The following GPC5 variants were observed in gnomAD, a reference collection of about 807,000 sequenced individuals.
The protein encoded by GPC5 is glypican-5.
Under a neutral mutation model 53.9 loss-of-function variants are expected in GPC5, and 47 were observed. The observed-to-expected ratio is 0.87, with a 90% CI of 0.69 to 1.11. GPC5 has a LOEUF of 1.11. Among genes scored for constraint, GPC5 ranks in the 50% most tolerant of loss-of-function variants. The pLI, the probability that GPC5 is intolerant of heterozygous loss-of-function variation, is 0.00. For missense variants in GPC5, 748 were observed against 713.1 expected (o/e 1.05, Z -0.56); for synonymous variants, 286 against 263.3 (o/e 1.09, Z -0.84).
intron 7 of GPC5, among the ~76,000 whole-genome samples, chr13:92,606,148 T>A (rs931172086): frequency 6.6e-6 from 1 of 152,138 alleles, no homozygotes; most frequent in African/African-American, 2.4e-5. Flanking sequence ...GCAGGTTTGT[T>A]ACATATGTAT....
At chr13:91,622,566 C>A (rs2139373530) in intron 2 of GPC5, among the ~76,000 whole-genome samples, 1 of 152,008 alleles carries the variant, frequency 6.6e-6, no homozygotes, top group East Asian at 1.9e-4. Context: ...GAAATATTTT[C>A]TTAGAAATAT....
chr13:91,682,527 C>A (rs1324227931), intron 2 of GPC5, among the ~76,000 whole-genome samples: 1 of 152,124 alleles, frequency 6.6e-6, no homozygotes, highest in Non-Finnish European at 1.5e-5. Context: ...ATGGGACTAG[C>A]ATCTAATTAT....
At chr13:91,822,250 C>G (rs1265314551) in intron 5 of GPC5, among the ~76,000 whole-genome samples, 1 of 152,134 alleles carries the variant, frequency 6.6e-6, no homozygotes, top group Non-Finnish European at 1.5e-5. Context: ...GTCCCTGATT[C>G]GTTTGTCAGA....
At chr13:92,669,176 T>C (rs1886667910) in intron 7 of GPC5, among the ~76,000 whole-genome samples, 1 of 152,190 alleles carries the variant, frequency 6.6e-6, no homozygotes, top group African/African-American at 2.4e-5. Flanking sequence ...TGCAGGGGTT[T>C]CATTTCTGTA....
intron 7 of GPC5, among the ~76,000 whole-genome samples, chr13:92,587,890 G>T: frequency 6.6e-6 from 1 of 151,710 alleles, no homozygotes; most frequent in Non-Finnish European, 1.5e-5. Context: ...GGTTTTTTGG[G>T]GTTTTTTTTT....
intron 6 of GPC5, among the ~76,000 whole-genome samples, chr13:91,913,667 C>A (rs532648606): frequency 7.8e-4 from 118 of 152,218 alleles, no homozygotes; most frequent in African/African-American, 2.8e-3. Flanking sequence ...AGAATGGGAA[C>A]CTTGGCGACA....
chr13:92,712,762 A>G (rs1437065634), intron 7 of GPC5, among the ~76,000 whole-genome samples: 1 of 152,162 alleles, frequency 6.6e-6, no homozygotes, highest in South Asian at 2.1e-4. Context: ...ATTTTTTGAG[A>G]TAGGGCCTTT....
intron 6 of GPC5, among the ~76,000 whole-genome samples, chr13:92,143,356 A>G (rs889997923): frequency 3.3e-5 from 5 of 152,256 alleles, no homozygotes; most frequent in South Asian, 2.1e-4. Context: ...GTATAAAATA[A>G]TACCATTTAT....
At chr13:92,783,630 C>T (rs1365755890) in intron 7 of GPC5, among the ~76,000 whole-genome samples, 3 of 152,134 alleles carry the variant, frequency 2.0e-5, no homozygotes, top group Non-Finnish European at 4.4e-5. Context: ...CCATTAGTTT[C>T]CCTGATATAA....
chr13:92,245,040 A>AG (rs1478335785), intron 7 of GPC5, among the ~76,000 whole-genome samples: 1 of 150,068 alleles, frequency 6.7e-6, no homozygotes, highest in Non-Finnish European at 1.5e-5. Flanking sequence ...TCCATCTGAA[A>AG]AAAAAAAAAA....
chr13:91,410,562 G>A lies in GPC5; in HGVS notation c.163+11353G>A, dbSNP rs559091381. Among the ~76,000 whole-genome samples the A allele has an allele frequency of 2.3e-3, 352 of 151,596 alleles. 2 individuals are homozygous for A. Among genetic ancestry groups the A allele is most frequent in the East Asian group, 9.8e-3 (50 of 5,080 alleles). ...GGGGTTTCACTGTGTTAGCCAGGAT[G>A]GTCTCGATCTCCTGACCTCGTGATC... On this transcript the variant is annotated intron_variant, in intron 1 of 7. Coordinates refer to ENST00000377067, the MANE Select transcript of GPC5 (RefSeq NM_004466.6).
intron 2 of GPC5, among the ~76,000 whole-genome samples, chr13:91,558,840 A>C (rs9560825): frequency 0.85 from 129,496 of 152,004 alleles, 55,281 homozygotes; most frequent in East Asian, 1. Flanking sequence ...CTCAGTCATG[A>C]GGGGGTTGGA....
chr13:92,582,158 T>C (rs1883394031), intron 7 of GPC5, among the ~76,000 whole-genome samples: 1 of 152,140 alleles, frequency 6.6e-6, no homozygotes, highest in Non-Finnish European at 1.5e-5. Context: ...TACTTTCTTC[T>C]AGTAGTTTTA....
intron 1 of GPC5, among the ~76,000 whole-genome samples, chr13:91,433,346 C>T: frequency 7.1e-6 from 1 of 140,200 alleles, no homozygotes; most frequent in South Asian, 2.6e-4. Flanking sequence ...GCTATCCCTA[C>T]CCCCTCCCCC....
chr13:91,961,520 A>G (rs1487085348), intron 6 of GPC5, among the ~76,000 whole-genome samples: 1 of 151,940 alleles, frequency 6.6e-6, no homozygotes, highest in African/African-American at 2.4e-5. Context: ...TTCATGTGGA[A>G]TTCTGTTAGA....
At chr13:91,811,345 G>T (rs2038308987) in intron 5 of GPC5, among the ~76,000 whole-genome samples, 2 of 151,886 alleles carry the variant, frequency 1.3e-5, no homozygotes, top group Admixed American at 1.3e-4. Flanking sequence ...TATCTGTAAG[G>T]TGTTTCTCTA....
At position 92,796,510 on chromosome 13, in the gene GPC5, A is replaced by T. The variant is rs936853052; in HGVS notation, c.1562-69772A>T. On this transcript the variant is annotated intron_variant, in intron 7 of 7. Transcript: ENST00000377067. The stretch of plus-strand genomic sequence containing the variant: ...ATCCTAAAACTTAAAGTGTAATTTA[A>T]AAAGCAGGGGAGCTGAAAATCCTTG... 3.7e-4 allele frequency among the ~76,000 whole-genome samples: 57 copies of T among 152,104 alleles called. 1 individual carries two copies. The highest frequency in any genetic ancestry group is 2.6e-3 in the Admixed American group (39 of 15,258).
chr13:91,566,243 A>G (rs186732530), intron 2 of GPC5, among the ~76,000 whole-genome samples: 38 of 152,228 alleles, frequency 2.5e-4, no homozygotes, highest in Non-Finnish European at 1.6e-4. Context: ...ATTTACTTAA[A>G]TGAGAATGAG....
At chr13:91,533,156 C>A (rs907980334) in intron 2 of GPC5, among the ~76,000 whole-genome samples, 4 of 152,124 alleles carry the variant, frequency 2.6e-5, no homozygotes, top group African/African-American at 9.7e-5. Flanking sequence ...ACCATGTAGG[C>A]AGATTCAAAA....
Sources: allele counts gnomAD v4.1 joint callset (sites outside exome capture counted in the v4.1 genomes callset), GRCh38; gene constraint gnomAD v4.1.1; transcripts MANE v1.5; gene names NCBI Gene and HGNC (gene_info 2026-07-23, HGNC 2026-07-21).